The following TOX variants were observed in gnomAD, a reference collection of about 807,000 sequenced individuals.
TOX encodes thymocyte selection associated high mobility group box, also known as thymocyte selection-associated high mobility group box protein TOX.
In TOX, 11 loss-of-function variants were observed where a neutral mutation model predicts 53.7. That is an observed-to-expected ratio of 0.20 (90% confidence interval 0.13 to 0.34). The LOEUF (loss-of-function observed/expected upper bound fraction) is 0.34, where lower values mean the gene tolerates loss of function less well. Ranked by LOEUF, TOX falls within the 10% of genes least tolerant of loss-of-function variation. The pLI, the probability that TOX is intolerant of heterozygous loss-of-function variation, is 1.00. For missense variants in TOX, 570 were observed against 664.6 expected (o/e 0.86, Z 1.56); for synonymous variants, 225 against 245.3 (o/e 0.92, Z 0.77).
intron 1 of TOX, among the ~76,000 whole-genome samples, chr8:59,089,070 T>C (rs1053089233): frequency 2.0e-5 from 3 of 152,154 alleles, no homozygotes; most frequent in Non-Finnish European, 4.4e-5. Context: ...AAATTAGAAA[T>C]CAAGATCTTA....
chr8:58,876,617 C>T (rs1440561464), intron 3 of TOX, among the ~76,000 whole-genome samples: 1 of 152,074 alleles, frequency 6.6e-6, no homozygotes, highest in Non-Finnish European at 1.5e-5. Context: ...TCAAAGAGGA[C>T]ATAGGGAATT....
At chr8:58,909,463 T>C (rs2129173719) in intron 3 of TOX, among the ~76,000 whole-genome samples, 1 of 152,292 alleles carries the variant, frequency 6.6e-6, no homozygotes, top group Middle Eastern at 3.4e-3. Context: ...CACTTGGTGA[T>C]TTGTATGGAC....
chr8:58,818,944 G>T (rs1051817831), intron 6 of TOX, among the ~76,000 whole-genome samples: 1 of 152,182 alleles, frequency 6.6e-6, no homozygotes, highest in Non-Finnish European at 1.5e-5. Flanking sequence ...TTATGTAATG[G>T]TCCACTCATT....
intron 3 of TOX, among the ~76,000 whole-genome samples, chr8:58,936,870 TG>T (rs1419458106): frequency 1.3e-5 from 2 of 152,178 alleles, no homozygotes; most frequent in Non-Finnish European, 2.9e-5. Context: ...AGCTGCTGGG[TG>T]AATGCGGCTA....
Position 58,851,419 on chromosome 8 carries a change from C to T in TOX, c.693+105G>A, listed in dbSNP as rs1810819537. ...GCTTCATTAACAAAGCAGGTGTCTCCCTCCAATGTTTCTCGCATGGATGAT... is the reference window on the plus strand; with the variant it reads ...GCTTCATTAACAAAGCAGGTGTCTCTCTCCAATGTTTCTCGCATGGATGAT... On this transcript the variant is annotated intron_variant, in intron 4 of 8. Transcript: ENST00000361421. The surrounding 1 kb of genome is among the most constrained non-coding windows in gnomAD (Gnocchi z 4.4). 3.8e-6 allele frequency: 5 copies of T among 1,300,396 alleles called. No individual in the cohort carries two copies. The highest frequency in any genetic ancestry group is 4.3e-6 in the Non-Finnish European group (4 of 936,392). The allele number at this position is 1,300,396 out of a possible 1,614,324, so 80.6% of individuals were successfully genotyped here.
chr8:59,007,146 C>T (rs1813805337), intron 1 of TOX, among the ~76,000 whole-genome samples: 2 of 152,112 alleles, frequency 1.3e-5, no homozygotes, highest in African/African-American at 4.8e-5. Flanking sequence ...GCCCACAAAA[C>T]AAGCTATTAC....
At chr8:59,012,351 G>A (rs961598358) in intron 1 of TOX, among the ~76,000 whole-genome samples, 3 of 151,896 alleles carry the variant, frequency 2.0e-5, no homozygotes, top group South Asian at 4.2e-4. Flanking sequence ...GGAATACCAC[G>A]AGGGGGTGTT....
chr8:59,038,051 G>C (rs1178380628), intron 1 of TOX, among the ~76,000 whole-genome samples: 2 of 152,132 alleles, frequency 1.3e-5, no homozygotes, highest in African/African-American at 4.8e-5. Flanking sequence ...CCCTGTGGAA[G>C]AATTTCCTGA....
At chr8:58,941,997 G>C (rs1317051525) in intron 2 of TOX, among the ~76,000 whole-genome samples, 1 of 149,844 alleles carries the variant, frequency 6.7e-6, no homozygotes, top group Non-Finnish European at 1.5e-5. Context: ...AGGTTGCGGT[G>C]AGCTGAGAGC....
chr8:59,027,282 A>C (rs566825069), intron 1 of TOX, among the ~76,000 whole-genome samples: 10 of 152,316 alleles, frequency 6.6e-5, no homozygotes, highest in Admixed American at 2.6e-4. Context: ...AGGCAGAAAT[A>C]TCTGTCTACC....
At chr8:58,947,987 T>C (rs1244567233) in intron 2 of TOX, among the ~76,000 whole-genome samples, 1 of 152,198 alleles carries the variant, frequency 6.6e-6, no homozygotes, top group African/African-American at 2.4e-5. Flanking sequence ...AAAGCAAACT[T>C]CAGGCTACTA....
In TOX at chr8:58,841,640, G is replaced by C. The variant is rs185751871; in HGVS notation, c.694-3329C>G. On this transcript the variant is annotated intron_variant, in intron 4 of 8. Transcript: ENST00000361421. Reference sequence around the variant, plus strand: ...GTGTTGTACACTTGAAATTTGTTAAGAGAGTAGGTTTTAAGCGTTCTCATT... The same window carrying C: ...GTGTTGTACACTTGAAATTTGTTAACAGAGTAGGTTTTAAGCGTTCTCATT... Among the ~76,000 whole-genome samples the C allele has an allele frequency of 3.9e-5, 6 of 152,282 alleles. No homozygotes were observed. The East Asian group carries it at 7.7e-4, about 20-fold the overall frequency.
intron 1 of TOX, among the ~76,000 whole-genome samples, chr8:59,029,157 C>A (rs1234529081): frequency 6.6e-6 from 1 of 152,068 alleles, no homozygotes; most frequent in Admixed American, 6.6e-5. Context: ...TGACTTCAGT[C>A]TATTTCTTTT....
At position 58,826,873 on chromosome 8, in the gene TOX, C is replaced by T; in HGVS notation, c.954G>A (p.Lys318=). ...QVYKKKTEAA[K]KEYLKQLAAY... ...CTGCGAGTTGCTTCAGGTACTCCTT[C>T]TTCGCAGCCTCGGTTTTCTTTTTAT... The change falls in exon 6 of 9, where the codon AAG becomes AAA. Residue 318 remains lysine (K), a synonymous_variant. Transcript: ENST00000361421. 2 of 1,612,316 alleles carry T rather than the reference C, an allele frequency of 1.2e-6. No individual in the cohort carries two copies. Among genetic ancestry groups the T allele is most frequent in the Non-Finnish European group, 1.7e-6 (2 of 1,179,250 alleles).
In TOX at chr8:59,028,755, G is replaced by C. The variant is rs145412724; in HGVS notation, c.103-68747C>G. Among the ~76,000 whole-genome samples, 838 of 152,152 alleles carry C rather than the reference G, an allele frequency of 5.5e-3. 2 individuals are homozygous for C. Among genetic ancestry groups the C allele is most frequent in the African/African-American group, 0.019 (802 of 41,502 alleles). ...CCACTTAGGTTTTCAAACAATAGCA[G>C]ATTTCATAGTTTTAATATGAACAAA... On this transcript the variant is annotated intron_variant, in intron 1 of 8. Transcript: ENST00000361421.
intron 1 of TOX, among the ~76,000 whole-genome samples, chr8:59,002,971 G>A (rs1813722418): frequency 6.6e-6 from 1 of 152,148 alleles, no homozygotes; most frequent in Non-Finnish European, 1.5e-5. Context: ...TCTTTACATT[G>A]AAGCCTGTGT....
intron 4 of TOX, among the ~76,000 whole-genome samples, chr8:58,848,792 C>T (rs1810761748): frequency 6.6e-6 from 1 of 152,000 alleles, no homozygotes; most frequent in African/African-American, 2.4e-5. Context: ...GATGTATTTA[C>T]AATATTCCTG....
At chr8:58,901,085 T>C (rs1585889754) in intron 3 of TOX, among the ~76,000 whole-genome samples, 2 of 152,260 alleles carry the variant, frequency 1.3e-5, no homozygotes, top group Non-Finnish European at 2.9e-5. Context: ...TCAAATATTT[T>C]ATTTCTTCCT....
intron 1 of TOX, among the ~76,000 whole-genome samples, chr8:59,055,356 T>C (rs1018988163): frequency 4.6e-5 from 7 of 152,200 alleles, no homozygotes; most frequent in African/African-American, 1.7e-4. Flanking sequence ...CAACATTTTC[T>C]CATGTTTGAG....
Sources: gnomAD v4.1 joint callset for allele counts (sites outside exome capture counted in the v4.1 genomes callset) on GRCh38, gnomAD v4.1.1 for gene constraint, Gnocchi (gnomAD v3.1) non-coding constraint, MANE v1.5 for transcripts, NCBI Gene and HGNC (gene_info 2026-07-23, HGNC 2026-07-21) for gene names.